Variants in PEG3 observed in about 807,000 individuals in gnomAD.
PEG3 encodes the protein paternally expressed 3.
PEG3 carries 23 observed loss-of-function variants against 35.5 expected under a neutral mutation model. The ratio of observed to expected loss-of-function variants is 0.65; its 90% CI spans 0.47 to 0.92. The LOEUF (loss-of-function observed/expected upper bound fraction) is 0.92. PEG3 is among the 40% of genes least tolerant of loss of function. The probability of loss-of-function intolerance (pLI) is 0.00; values close to 1 mark genes in which losing one functional copy is unlikely to be tolerated. For missense variants in PEG3, 1,960 were observed against 1,985.3 expected (o/e 0.99, Z 0.24); for synonymous variants, 707 against 697.0 (o/e 1.01, Z -0.23).
intron 2 of PEG3, among the ~76,000 whole-genome samples, chr19:56,834,585 T>C (rs1205873690): frequency 2.0e-5 from 3 of 152,196 alleles, no homozygotes; most frequent in South Asian, 2.1e-4. Flanking sequence ...TCAAGTCACA[T>C]GTCAGTACGG....
At chr19:56,819,917 G>C (rs1033275861) in intron 7 of PEG3, among the ~76,000 whole-genome samples, 2 of 152,156 alleles carry the variant, frequency 1.3e-5, no homozygotes, top group East Asian at 1.9e-4. Flanking sequence ...GGGTTTAAGA[G>C]GGAAGCCTTA....
intron 1 of PEG3, among the ~76,000 whole-genome samples, chr19:56,839,011 C>T (rs1363843322): frequency 1.3e-5 from 2 of 152,290 alleles, no homozygotes; most frequent in East Asian, 1.9e-4. Context: ...ATCCGGGCAA[C>T]GCCTGCGCGG....
intron 1 of PEG3, among the ~76,000 whole-genome samples, chr19:56,836,951 G>C (rs1199571670): frequency 2.2e-5 from 3 of 136,026 alleles, no homozygotes; most frequent in Non-Finnish European, 4.6e-5. Context: ...GCCTGGGTGA[G>C]AGGGCCAGAC....
rs1288201163 is a variant in PEG3 at position 56,813,761 on chromosome 19, C to A, written c.4681G>T (p.Glu1561Ter). Reference protein sequence around the residue: ...TSTGGANQADEKYFKCDVCGQ... With the variant: ...TSTGGANQAD ...CAGACGTCACATTTGAAGTACTTCT[C>A]ATCAGCTTGATTGGCACCACCTGTG... is the stretch of plus-strand genomic sequence containing the variant. Residue 1561 changes from glutamate to a stop codon, truncating the protein, a stop_gained, in exon 10 of 10, where the codon GAG becomes TAG. Transcript: ENST00000326441. LOFTEE classifies it high-confidence loss of function. The A allele has an allele frequency of 1.2e-6, 2 of 1,613,986 alleles. No homozygotes were observed. Among genetic ancestry groups the A allele is most frequent in the African/African-American group, 2.7e-5 (2 of 74,906 alleles).
In PEG3 at chr19:56,810,549, C is replaced by A. The variant is rs2048062173; in HGVS notation, c.*3126G>T. On this transcript the variant is annotated 3_prime_UTR_variant, in exon 10 of 10. Coordinates refer to ENST00000326441, the MANE Select transcript of PEG3 (RefSeq NM_006210.3). ...GTGTGAATTTTCTTTACTGAATTTC[C>A]AAAGTTTTGTATGAGTATGTATTAT... 5.2e-6 allele frequency: 5 copies of A among 970,482 alleles called. No individual in the cohort carries two copies. The highest frequency in any genetic ancestry group is 4.9e-6 in the Non-Finnish European group (4 of 816,516). 60.1% of individuals were successfully genotyped at this position (970,482 alleles called of 1,614,324 possible).
rs1243800946 is a variant in PEG3 at position 56,816,636 on chromosome 19, A to G, written c.1806T>C (p.Arg602=). Residue 602 remains arginine (R), a synonymous_variant, in exon 10 of 10, where the codon CGT becomes CGC. Coordinates refer to ENST00000326441, the MANE Select transcript of PEG3 (RefSeq NM_006210.3). The part of the protein sequence containing the change: ...NEREHERERE[R]ERGETFRPSP... ...TGGGCCTAAAGGTTTCCCCGCGCTC[A>G]CGTTCACGTTCACGTTCATGTTCAC... is the stretch of plus-strand genomic sequence containing the variant. 6.2e-7 allele frequency: 1 copy of G among 1,612,744 alleles called. No individual in the cohort carries two copies. Among genetic ancestry groups the G allele is most frequent in the Non-Finnish European group, 8.5e-7 (1 of 1,179,024 alleles).
At position 56,815,917 on chromosome 19, in the gene PEG3, T is replaced by C. The variant is rs112514758; in HGVS notation, c.2525A>G (p.Lys842Arg). 15 of 1,610,722 alleles carry C rather than the reference T, an allele frequency of 9.3e-6. No homozygotes were observed. Among genetic ancestry groups the C allele is most frequent in the Admixed American group, 1.7e-5 (1 of 59,742 alleles). Reference sequence around the variant, plus strand: ...ATTTCCATTGTGACTTCTTGGAGGTTTGGAAGCCACTAAGCTATGGATAAC... The same window carrying C: ...ATTTCCATTGTGACTTCTTGGAGGTCTGGAAGCCACTAAGCTATGGATAAC... ...RSVIHSLVASKPPRSHNGNEL... is the reference protein window; with the variant it reads ...RSVIHSLVASRPPRSHNGNEL... Residue 842 changes from lysine to arginine, a missense_variant, in exon 10 of 10, where the codon AAA (lysine) becomes AGA (arginine). This residue lies in a region of PEG3 where 798 missense variants were observed against 782.4 expected (regional missense o/e 1.02). Coordinates refer to ENST00000326441, the MANE Select transcript of PEG3 (RefSeq NM_006210.3).
intron 1 of PEG3, among the ~76,000 whole-genome samples, chr19:56,837,078 G>A (rs2062217459): frequency 6.6e-6 from 1 of 150,752 alleles, no homozygotes; most frequent in Non-Finnish European, 1.5e-5. Context: ...GCTGACTTAA[G>A]ATCTCCTTGG....
In PEG3 at chr19:56,815,437, T is replaced by C. The variant is rs762372602; in HGVS notation, c.3005A>G (p.Tyr1002Cys). Residue 1002 changes from tyrosine (Y) to cysteine (C), a missense_variant, in exon 10 of 10, where the codon TAT becomes TGT. Tyr to Cys is a radical substitution (Grantham distance 194). Coordinates refer to ENST00000326441, the MANE Select transcript of PEG3 (RefSeq NM_006210.3). ...DREKPSGSRNYEWSVIRSLAP... is the reference protein window; with the variant it reads ...DREKPSGSRNCEWSVIRSLAP... ...CAAGCTGCGAATGACAGACCATTCA[T>C]AGTTTCTGCTTCCAGAGGGCTTCTC... 84 of 1,614,014 alleles carry C rather than the reference T, an allele frequency of 5.2e-5. No homozygotes were observed. The highest frequency in any genetic ancestry group is 1.6e-4 in the Middle Eastern group (1 of 6,084).
In PEG3 at chr19:56,815,356, G is replaced by A. The variant is rs993611800; in HGVS notation, c.3086C>T (p.Ala1029Val). 34 of 1,614,140 alleles carry A rather than the reference G, an allele frequency of 2.1e-5. No homozygotes were observed. The highest frequency in any genetic ancestry group is 5.0e-5 in the Admixed American group (3 of 60,012). The part of the protein sequence containing the change: ...YAQEQYAKEQ[A>V]RNKCKDFRQF... ...TCTGAAGTCCTTACATTTGTTCCGC[G>A]CTTGCTCTTTAGCATACTGCTCTTG... Residue 1029 changes from alanine (A) to valine (V), a missense_variant, in exon 10 of 10, where the codon GCG (alanine) becomes GTG (valine). Coordinates refer to ENST00000326441, the MANE Select transcript of PEG3 (RefSeq NM_006210.3).
In PEG3 at chr19:56,814,010, C is replaced by CTCCCTCTGGCTCTTCAGCTTT. The variant is rs767110557; in HGVS notation, c.4411_4431dup (p.Lys1471_Gly1477dup). The stretch of plus-strand genomic sequence containing the variant: ...CCCACACCGTCAGGCTCGTCGGCAT[C>CTCCCTCTGGCTCTTCAGCTTT]TCCCTCTGGCTCTTCAGCTTTTCCC... On this transcript the variant is annotated inframe_insertion, in exon 10 of 10. Coordinates refer to ENST00000326441, the MANE Select transcript of PEG3 (RefSeq NM_006210.3). The surrounding 1 kb of genome is among the most constrained non-coding windows in gnomAD (Gnocchi z 5.8). 10 of 1,614,040 alleles carry CTCCCTCTGGCTCTTCAGCTTT rather than the reference C, an allele frequency of 6.2e-6. No individual in the cohort carries two copies. The East Asian group carries it at 1.1e-4, about 18-fold the overall frequency.
chr19:56,824,403 T>A lies in PEG3; in HGVS notation c.253A>T (p.Ile85Phe). 2 of 1,614,110 alleles carry A rather than the reference T, an allele frequency of 1.2e-6. No homozygotes were observed. Among genetic ancestry groups the A allele is most frequent in the Non-Finnish European group, 1.7e-6 (2 of 1,180,022 alleles). ...LQPETRTKEE[I>F]IELLVLEQYL... ...TGCTCAAGGACCAAGAGCTCGATGATCTCCTCCTTGGTGCGGGTCTCCGGC... is the reference window on the plus strand; with the variant it reads ...TGCTCAAGGACCAAGAGCTCGATGAACTCCTCCTTGGTGCGGGTCTCCGGC... Residue 85 changes from isoleucine to phenylalanine, a missense_variant, in exon 4 of 10, where the codon ATC becomes TTC. This residue lies in a region of PEG3 where 613 missense variants were observed against 577.1 expected (regional missense o/e 1.06). Transcript: ENST00000326441.
chr19:56,815,154 G>A lies in PEG3; in HGVS notation c.3288C>T (p.Asp1096=). Residue 1096 remains aspartate (D), a synonymous_variant, in exon 10 of 10, where the codon GAC becomes GAT. Coordinates refer to ENST00000326441, the MANE Select transcript of PEG3 (RefSeq NM_006210.3). ...TGTCATCAGGGTCATCCTTCTGAGG[G>A]TCTTCCATGTCTGAGCCTTGAATGA... ...DPVIQGSDME[D]PQKDDPDDKI... The A allele has an allele frequency of 1.9e-6, 3 of 1,613,868 alleles. No individual in the cohort carries two copies. Among genetic ancestry groups the A allele is most frequent in the South Asian group, 1.1e-5 (1 of 91,072 alleles).
At position 56,812,835 on chromosome 19, in the gene PEG3, C is replaced by T; in HGVS notation, c.*840G>A. On this transcript the variant is annotated 3_prime_UTR_variant, in exon 10 of 10. Transcript: ENST00000326441. Reference sequence around the variant, plus strand: ...GAGTTGGTTAAAAAAAAAAAAAACCCAGAACACAAATGTGTAATATTTTTG... The same window carrying T: ...GAGTTGGTTAAAAAAAAAAAAAACCTAGAACACAAATGTGTAATATTTTTG... The T allele has an allele frequency of 1.0e-6, 1 of 976,124 alleles. No homozygotes were observed. The highest frequency in any genetic ancestry group is 1.2e-6 in the Non-Finnish European group (1 of 821,896). 60.5% of individuals were successfully genotyped at this position (976,124 alleles called of 1,614,324 possible). A position where few individuals can be genotyped will look rare whatever the true frequency, so the allele number is the denominator to read the frequency against.
chr19:56,818,486 C>G (rs528472529), intron 8 of PEG3, 114 bp downstream of exon 8: 11 of 1,102,888 alleles, frequency 1.0e-5, no homozygotes, highest in Admixed American at 2.5e-5. Flanking sequence ...TTTCTTATTA[C>G]CCTTGAAGTC....
rs573863965 is a variant in PEG3, at chr19:56,826,972, A to G, written c.-162-509T>C. 6.6e-5 allele frequency among the ~76,000 whole-genome samples: 10 copies of G among 152,332 alleles called. No individual in the cohort carries two copies. In the South Asian group the frequency reaches 1.5e-3, roughly 22 times the overall value. On this transcript the variant is annotated intron_variant, in intron 2 of 9. Coordinates refer to ENST00000326441, the MANE Select transcript of PEG3 (RefSeq NM_006210.3). The stretch of plus-strand genomic sequence containing the variant: ...CTATATATCAGAATGGCAGGCTTAT[A>G]GAGTTCAATAGGAAACCAATAATTT...
chr19:56,812,852 A>G lies in PEG3; in HGVS notation c.*823T>C, dbSNP rs974175733. 4.1e-6 allele frequency: 4 copies of G among 985,706 alleles called. No homozygotes were observed. Among genetic ancestry groups the G allele is most frequent in the African/African-American group, 1.7e-5 (1 of 57,326 alleles). The allele number at this position is 985,706 out of a possible 1,614,324, so 61.1% of individuals were successfully genotyped here. ...AAAAAACCCAGAACACAAATGTGTAATATTTTTGCATGAGAACCACTTCAA... is the reference window on the plus strand; with the variant it reads ...AAAAAACCCAGAACACAAATGTGTAGTATTTTTGCATGAGAACCACTTCAA... On this transcript the variant is annotated 3_prime_UTR_variant, in exon 10 of 10. Transcript: ENST00000326441.
intron 1 of PEG3, among the ~76,000 whole-genome samples, chr19:56,840,257 G>A (rs538713355): frequency 2.0e-5 from 3 of 152,312 alleles, no homozygotes; most frequent in Admixed American, 1.3e-4. Context: ...GGTGGCCCCC[G>A]GCCAGTCAGA....
Position 56,815,415 on chromosome 19 carries a change from G to A in PEG3, c.3027C>T (p.Ser1009=). ...SRNYEWSVIR[S]LAPTDPQTSY... is the part of the protein sequence containing the mutation. ...TTGTTTGAGGGTCAGTAGGGGCCAA[G>A]CTGCGAATGACAGACCATTCATAGT... is the stretch of plus-strand genomic sequence containing the variant. The change falls in exon 10 of 10, where the codon AGC becomes AGT. Residue 1009 remains serine, a synonymous_variant. Transcript: ENST00000326441. 6.2e-7 allele frequency: 1 copy of A among 1,614,150 alleles called. No individual in the cohort carries two copies. Among genetic ancestry groups the A allele is most frequent in the Admixed American group, 1.7e-5 (1 of 60,026 alleles).
Sources: gnomAD v4.1 joint callset for allele counts (sites outside exome capture counted in the v4.1 genomes callset) on GRCh38, gnomAD v4.1.1 for gene constraint, gnomAD v4.1.1 regional missense constraint, Gnocchi (gnomAD v3.1) non-coding constraint, MANE v1.5 for transcripts, NCBI Gene and HGNC (gene_info 2026-07-23, HGNC 2026-07-21) for gene names.